SIN3B: variants seen among roughly 807,000 people sequenced by gnomAD.
SIN3B encodes the protein paired amphipathic helix protein Sin3b.
Under a neutral mutation model 120.2 loss-of-function variants are expected in SIN3B, and 19 were observed. The observed-to-expected ratio is 0.16, with a 90% confidence interval of 0.11 to 0.23. The LOEUF (loss-of-function observed/expected upper bound fraction) is 0.23. SIN3B is among the 10% of genes least tolerant of loss of function. The probability of loss-of-function intolerance (pLI) is 1.00; values close to 1 mark genes in which losing one functional copy is unlikely to be tolerated. For missense variants in SIN3B, 1,073 were observed against 1,573.0 expected, an observed-to-expected ratio of 0.68 and a Z score of 5.38; for synonymous variants, 654 against 653.2, an observed-to-expected ratio of 1.00 and a Z score of -0.02.
intron 5 of SIN3B, 77 bp downstream of exon 5, chr19:16,847,190 C>T (rs878987918): frequency 1.2e-5 from 18 of 1,507,662 alleles, no homozygotes; most frequent in African/African-American, 4.1e-5. Context: ...GACCCATGTC[C>T]GGGCCAAGCC....
intron 6 of SIN3B, 97 bp downstream of exon 6, chr19:16,851,631 G>A: frequency 6.9e-7 from 1 of 1,447,158 alleles, no homozygotes. Context: ...CCCAGCAGGG[G>A]TTCGGGGCTG....
rs78297704 is a variant in SIN3B at position 16,879,013 on chromosome 19, G to T, written c.*286G>T. Reference sequence around the variant, plus strand: ...AACAAGCAATCATGTTTGCGTCCCCGTCCGTCACATGTGCCAAATCCCTGG... The same window carrying T: ...AACAAGCAATCATGTTTGCGTCCCCTTCCGTCACATGTGCCAAATCCCTGG... On this transcript the variant is annotated 3_prime_UTR_variant, in exon 19 of 19. Transcript: ENST00000248054. 4.1e-6 allele frequency: 2 copies of T among 492,706 alleles called. No individual in the cohort carries two copies. Among genetic ancestry groups the T allele is most frequent in the Non-Finnish European group, 7.2e-6 (2 of 277,854 alleles). The allele number at this position is 492,706 out of a possible 1,614,324, so 30.5% of individuals were successfully genotyped here.
chr19:16,858,671 C>T (rs577320768), intron 8 of SIN3B, among the ~76,000 whole-genome samples: 9 of 152,210 alleles, frequency 5.9e-5, no homozygotes, highest in African/African-American at 1.7e-4. Context: ...AGACCAAGGC[C>T]GGGCCTGGTG....
intron 5 of SIN3B, among the ~76,000 whole-genome samples, chr19:16,849,853 G>A (rs940152650): frequency 3.9e-5 from 6 of 151,952 alleles, no homozygotes; most frequent in African/African-American, 4.8e-5. Context: ...CTACATAGAA[G>A]GCTGAAGCAA....
In SIN3B at chr19:16,877,567, AG is replaced by A; in HGVS notation, c.2883del (p.Gln961HisfsTer18). 6.2e-7 allele frequency: 1 copy of A among 1,611,530 alleles called. No individual in the cohort carries two copies. Among genetic ancestry groups the A allele is most frequent in the South Asian group, 1.1e-5 (1 of 90,178 alleles). On this transcript the variant is annotated frameshift_variant, in exon 17 of 19. Coordinates refer to ENST00000248054, the MANE Select transcript of SIN3B (RefSeq NM_001297595.2). LOFTEE classifies it high-confidence loss of function. ...EVQHLARYVE[Q>X]YVGTEGASSS... ...CAGCACCTGGCTCGGTACGTGGAGCAGTATGTGGGGACCGAGGGCGCGTCCA... is the reference window on the plus strand; with the variant it reads ...CAGCACCTGGCTCGGTACGTGGAGCATATGTGGGGACCGAGGGCGCGTCCA...
Position 16,870,095 on chromosome 19 carries a change from C to A in SIN3B, c.2422+20C>A, listed in dbSNP as rs754779686. Reference sequence around the variant, plus strand: ...AGCCCAGTAAGGCTCCAAAGCCTGCCGGGAGGCCCCGGGGGGTGCCTGGGG... The same window carrying A: ...AGCCCAGTAAGGCTCCAAAGCCTGCAGGGAGGCCCCGGGGGGTGCCTGGGG... On this transcript the variant is annotated intron_variant, in intron 13 of 18. Transcript: ENST00000248054. 1 of 1,551,272 alleles carries A rather than the reference C, an allele frequency of 6.4e-7. No individual in the cohort carries two copies. The highest frequency in any genetic ancestry group is 2.4e-5 in the East Asian group (1 of 42,462).
In SIN3B at chr19:16,876,511, A is replaced by C; in HGVS notation, c.2792A>C (p.Gln931Pro). The change falls in exon 16 of 19, where the codon CAG becomes CCG. Residue 931 changes from glutamine (Q) to proline (P), a missense_variant. Physicochemically the swap from Gln to Pro is moderately conservative, Grantham distance 76 (BLOSUM62 -1). Around this residue, in one of 7 missense-constraint regions of SIN3B, gnomAD observed 311 missense variants for 400.3 expected, o/e 0.78. Transcript: ENST00000248054. The surrounding 1 kb of genome is among the most constrained non-coding windows in gnomAD (Gnocchi z 7.1). ...GTGATGTTCCTGCAGCGCAAAGGGC[A>C]GGTGATCATGACCATCGAGCTCCTG... ...FKVMFLQRKGQVIMTIELLDT... is the reference protein window; with the variant it reads ...FKVMFLQRKGPVIMTIELLDT... The C allele has an allele frequency of 6.2e-7, 1 of 1,613,436 alleles. No homozygotes were observed. Among genetic ancestry groups the C allele is most frequent in the Non-Finnish European group, 8.5e-7 (1 of 1,179,922 alleles).
chr19:16,874,198 A>AT (rs2051550628), intron 14 of SIN3B, among the ~76,000 whole-genome samples: 1 of 152,238 alleles, frequency 6.6e-6, no homozygotes, highest in South Asian at 2.1e-4. Context: ...CCTTCAGCTC[A>AT]TTCCTGGGTT....
At chr19:16,845,112 C>T (rs978938768) in intron 4 of SIN3B, among the ~76,000 whole-genome samples, 23 of 152,210 alleles carry the variant, frequency 1.5e-4, no homozygotes, top group African/African-American at 3.9e-4. Context: ...TTTAGACAGA[C>T]ATCTTGTTCA....
chr19:16,876,311 G>A lies in SIN3B; in HGVS notation c.2766+83G>A. The A allele has an allele frequency of 6.7e-7, 1 of 1,500,950 alleles. No homozygotes were observed. The highest frequency in any genetic ancestry group is 9.0e-7 in the Non-Finnish European group (1 of 1,109,596). The allele number at this position is 1,500,950 out of a possible 1,614,324, so 93.0% of individuals were successfully genotyped here. A position where few individuals can be genotyped will look rare whatever the true frequency, so the allele number is the denominator to read the frequency against. Reference sequence around the variant, plus strand: ...TGGACTCAGTCCTGGGTGGACCCTGGTTCAGCGGCTGGGACACCGGCCCTG... The same window carrying A: ...TGGACTCAGTCCTGGGTGGACCCTGATTCAGCGGCTGGGACACCGGCCCTG... On this transcript the variant is annotated intron_variant, in intron 15 of 18. Coordinates refer to ENST00000248054, the MANE Select transcript of SIN3B (RefSeq NM_001297595.2). The surrounding 1 kb of genome is among the most constrained non-coding windows in gnomAD (Gnocchi z 7.1).
chr19:16,871,455 A>G (rs1599613473), intron 14 of SIN3B, 57 bp downstream of exon 14: 1 of 1,511,572 alleles, frequency 6.6e-7, no homozygotes, highest in East Asian at 2.3e-5. Flanking sequence ...CTCTACCATC[A>G]TTTCACTCCC....
intron 3 of SIN3B, among the ~76,000 whole-genome samples, chr19:16,834,852 G>C (rs1378974049): frequency 6.6e-6 from 1 of 152,004 alleles, no homozygotes; most frequent in South Asian, 2.1e-4. Context: ...AGAGGCCATC[G>C]TCTGAAAGCC....
chr19:16,854,229 T>G lies in SIN3B; in HGVS notation c.1026T>G (p.Ser342=). The change falls in exon 8 of 19, where the codon TCT becomes TCG. Residue 342 remains serine (S), a synonymous_variant. Transcript: ENST00000248054. ...ALFNQELVSG[S]ELLQLVSPFL... ...TCAACCAGGAGCTGGTGTCTGGCTC[T>G]GAGCTCCTGCAGCTCGTCAGCCCAT... is the stretch of plus-strand genomic sequence containing the variant. 1.9e-6 allele frequency: 3 copies of G among 1,612,732 alleles called. No homozygotes were observed. The highest frequency in any genetic ancestry group is 1.7e-6 in the Non-Finnish European group (2 of 1,179,774).
Position 16,862,767 on chromosome 19 carries a change from C to CAA in SIN3B, c.1266+209_1266+210insAA, listed in dbSNP as rs1245081730. On this transcript the variant is annotated intron_variant, in intron 9 of 18. Transcript: ENST00000248054. The surrounding 1 kb of genome is among the most constrained non-coding windows in gnomAD (Gnocchi z 4.7). ...CCCTGCTGGTAGTTTTGGCAAAACA[C>CAA]AGAGTGCCAGGGATAACGTGGAGTT... 1.9e-6 allele frequency: 2 copies of CAA among 1,043,904 alleles called. No homozygotes were observed. Among genetic ancestry groups the CAA allele is most frequent in the Non-Finnish European group, 2.9e-6 (2 of 679,498 alleles). 64.7% of individuals were successfully genotyped at this position (1,043,904 alleles called of 1,614,324 possible). A position where few individuals can be genotyped will look rare whatever the true frequency, so the allele number is the denominator to read the frequency against.
chr19:16,843,264 A>T (rs1486392167), intron 4 of SIN3B, among the ~76,000 whole-genome samples: 2 of 152,206 alleles, frequency 1.3e-5, no homozygotes, highest in Non-Finnish European at 2.9e-5. Context: ...CGCCCAGCTA[A>T]TTAGCAGAAC....
In SIN3B at chr19:16,870,445, C is replaced by T. The variant is rs566231340; in HGVS notation, c.2422+370C>T. On this transcript the variant is annotated intron_variant, in intron 13 of 18. Coordinates refer to ENST00000248054, the MANE Select transcript of SIN3B (RefSeq NM_001297595.2). ...TGTTGCGCAGGCTGGAGTATAGTGG[C>T]AGGATCTCGGCCCACTGCAACCTCC... Among the ~76,000 whole-genome samples the T allele has an allele frequency of 3.0e-3, 446 of 150,988 alleles. 5 individuals are homozygous for T. Among genetic ancestry groups the T allele is most frequent in the African/African-American group, 0.01 (429 of 41,034 alleles).
chr19:16,833,240 A>G (rs764339337), intron 3 of SIN3B, among the ~76,000 whole-genome samples: 79 of 152,188 alleles, frequency 5.2e-4, no homozygotes, highest in Non-Finnish European at 1.1e-3. Flanking sequence ...CGTCCAATCA[A>G]TTAGGGATCT....
chr19:16,834,358 G>T (rs1191692490), intron 3 of SIN3B, among the ~76,000 whole-genome samples: 2 of 152,180 alleles, frequency 1.3e-5, no homozygotes, highest in African/African-American at 4.8e-5. Context: ...CAGAGTCCCT[G>T]CCCGTGGAGT....
chr19:16,861,934 C>T (rs1971694754), intron 8 of SIN3B, among the ~76,000 whole-genome samples: 1 of 152,108 alleles, frequency 6.6e-6, no homozygotes, highest in South Asian at 2.1e-4. Flanking sequence ...GACACTATCT[C>T]TAAAAAGAAA....
Sources: gnomAD v4.1 joint callset for allele counts (sites outside exome capture counted in the v4.1 genomes callset) on GRCh38, gnomAD v4.1.1 for gene constraint, gnomAD v4.1.1 regional missense constraint, Gnocchi (gnomAD v3.1) non-coding constraint, MANE v1.5 for transcripts, NCBI Gene and HGNC (gene_info 2026-07-23, HGNC 2026-07-21) for gene names.